The following SS18 variants were observed in gnomAD, a reference collection of about 807,000 sequenced individuals.
SS18 encodes the protein SS18 subunit of BAF chromatin remodeling complex, also known as protein SSXT.
In SS18, 28 loss-of-function variants were observed where a neutral mutation model predicts 72.5. The ratio of observed to expected loss-of-function variants is 0.39; its 90% CI spans 0.29 to 0.53. The LOEUF (loss-of-function observed/expected upper bound fraction) is 0.53. Ranked by LOEUF, SS18 falls within the 20% of genes least tolerant of loss-of-function variation. The pLI is 0.76. For missense variants in SS18, 518 were observed against 535.3 expected (o/e 0.97, Z 0.32); for synonymous variants, 172 against 164.2 (o/e 1.05, Z -0.37).
intron 2 of SS18, among the ~76,000 whole-genome samples, chr18:26,079,614 T>G (rs977433231): frequency 6.6e-6 from 1 of 152,220 alleles, no homozygotes; most frequent in Non-Finnish European, 1.5e-5. Context: ...AAGGTCTCAC[T>G]CTGTCACCCA....
Position 26,039,168 on chromosome 18 carries a change from C to CAA in SS18, c.775+119_775+120dup, listed in dbSNP as rs34318951. On this transcript the variant is annotated intron_variant, in intron 6 of 10. Transcript: ENST00000415083. ...TACTTACTAGAACCCTACCTTTTGTCAAAAAAAAAAAAAAAAAAAAAAAAA... is the reference window on the plus strand; with the variant it reads ...TACTTACTAGAACCCTACCTTTTGTCAAAAAAAAAAAAAAAAAAAAAAAAAAA... The CAA allele has an allele frequency of 2.0e-3, 514 of 251,542 alleles. 3 individuals carry two copies. The highest frequency in any genetic ancestry group is 3.5e-3 in the South Asian group (46 of 12,990). 15.6% of individuals were successfully genotyped at this position (251,542 alleles called of 1,614,324 possible). A position where few individuals can be genotyped will look rare whatever the true frequency, so the allele number is the denominator to read the frequency against.
intron 9 of SS18, among the ~76,000 whole-genome samples, chr18:26,033,930 T>C (rs948459790): frequency 2.6e-5 from 4 of 152,166 alleles, no homozygotes; most frequent in Non-Finnish European, 4.4e-5. Context: ...AACCAGAATA[T>C]TGTATTTATT....
chr18:26,035,814 T>C lies in SS18; in HGVS notation c.973+17A>G. 1.3e-6 allele frequency: 2 copies of C among 1,530,900 alleles called. No homozygotes were observed. Among genetic ancestry groups the C allele is most frequent in the Admixed American group, 1.8e-5 (1 of 56,402 alleles). The allele number at this position is 1,530,900 out of a possible 1,614,324, so 94.8% of individuals were successfully genotyped here. ...AAGGGGATATATATGTGTATGTGTGTGAAGGTATATAGATACCTCCTTCGT... is the reference window on the plus strand; with the variant it reads ...AAGGGGATATATATGTGTATGTGTGCGAAGGTATATAGATACCTCCTTCGT... On this transcript the variant is annotated intron_variant, in intron 8 of 10. Transcript: ENST00000415083. This position sits in a 1 kb window ranked among gnomAD's most constrained non-coding sequence, Gnocchi z 4.4.
At chr18:26,078,332 TATA>T in intron 2 of SS18, 172 bp from the exon 3 acceptor site, 2 of 508,262 alleles carry the variant, frequency 3.9e-6, no homozygotes, top group Non-Finnish European at 6.9e-6. Flanking sequence ...AATATTTAAA[TATA>T]ATGAGCTCAG....
At chr18:26,076,410 T>TA (rs767351792) in intron 3 of SS18, among the ~76,000 whole-genome samples, 2 of 151,778 alleles carry the variant, frequency 1.3e-5, no homozygotes, top group Non-Finnish European at 3.0e-5. Context: ...CATGACAAAA[T>TA]ATCTTGTTTT....
upstream of SS18, chr18:26,090,772 C>T (rs34364376): frequency 0.048 from 28,881 of 603,996 alleles, 868 homozygotes; most frequent in East Asian, 0.1. Context: ...TCTGGGGGAC[C>T]CCTAGCCCTG....
intron 7 of SS18, among the ~76,000 whole-genome samples, chr18:26,036,374 C>T (rs2053626698): frequency 1.3e-5 from 2 of 152,134 alleles, no homozygotes; most frequent in Non-Finnish European, 2.9e-5. Flanking sequence ...ATAAGTTTTT[C>T]CCCTGAAAGA....
At chr18:26,046,995 T>C (rs78977982) in intron 5 of SS18, among the ~76,000 whole-genome samples, 1 of 152,150 alleles carries the variant, frequency 6.6e-6, no homozygotes, top group South Asian at 2.1e-4. Flanking sequence ...ATGGTGGTGC[T>C]GGGGGAACAG....
chr18:26,072,490 T>G (rs2054329310), intron 3 of SS18, among the ~76,000 whole-genome samples: 1 of 152,008 alleles, frequency 6.6e-6, no homozygotes, highest in Non-Finnish European at 1.5e-5. Flanking sequence ...AAGTAGACTT[T>G]AAAAGCATTA....
Position 26,028,968 on chromosome 18 carries a change from G to A in SS18, c.1230+3431C>T, listed in dbSNP as rs1379571644. Among the ~76,000 whole-genome samples, 5 of 152,214 alleles carry A rather than the reference G, an allele frequency of 3.3e-5. No individual in the cohort carries two copies. In the East Asian group the frequency reaches 7.7e-4, roughly 23 times the overall value. ...ACTATGAAAAGGGTAGGGAAAAAGAGTGATGCAATGGAGGGTGTTATGTCT... is the reference window on the plus strand; with the variant it reads ...ACTATGAAAAGGGTAGGGAAAAAGAATGATGCAATGGAGGGTGTTATGTCT... On this transcript the variant is annotated intron_variant, in intron 10 of 10. Transcript: ENST00000415083.
At chr18:26,064,194 T>C (rs1168810399) in intron 3 of SS18, among the ~76,000 whole-genome samples, 3 of 152,124 alleles carry the variant, frequency 2.0e-5, no homozygotes, top group Admixed American at 6.5e-5. Context: ...CTGACTCAGA[T>C]ACCTTCAATA....
At chr18:26,036,472 G>A (rs989919340) in intron 7 of SS18, among the ~76,000 whole-genome samples, 2 of 152,066 alleles carry the variant, frequency 1.3e-5, no homozygotes, top group African/African-American at 2.4e-5. Context: ...ATATCTTAAT[G>A]CTGCCATTTT....
chr18:26,022,793 G>A (rs537433592), intron 10 of SS18, among the ~76,000 whole-genome samples: 1 of 152,306 alleles, frequency 6.6e-6, no homozygotes, highest in South Asian at 2.1e-4. Context: ...AATGTGTGAG[G>A]AAAATACCCA....
intron 5 of SS18, among the ~76,000 whole-genome samples, chr18:26,040,149 G>A (rs572260115): frequency 1.3e-5 from 2 of 152,250 alleles, no homozygotes; most frequent in South Asian, 4.2e-4. Flanking sequence ...CTAAAAACAG[G>A]CAGAGACATG....
chr18:26,028,033 T>C lies in SS18; in HGVS notation c.1230+4366A>G, dbSNP rs563998719. Among the ~76,000 whole-genome samples the C allele has an allele frequency of 7.9e-5, 12 of 152,064 alleles. No individual in the cohort carries two copies. The South Asian group carries it at 2.3e-3, about 29-fold the overall frequency. ...AATGAAAAAACAGACAGGATGAAAA[T>C]ATGTGCAAATGATACCTGATTAAGG... is the stretch of plus-strand genomic sequence containing the variant. On this transcript the variant is annotated intron_variant, in intron 10 of 10. Transcript: ENST00000415083.
chr18:26,086,408 T>C (rs2054616693), intron 2 of SS18, among the ~76,000 whole-genome samples: 1 of 152,220 alleles, frequency 6.6e-6, no homozygotes, highest in African/African-American at 2.4e-5. Flanking sequence ...TTCCAAGATT[T>C]AGAACAACAA....
At chr18:26,027,082 T>G (rs753770946) in intron 10 of SS18, among the ~76,000 whole-genome samples, 1 of 152,158 alleles carries the variant, frequency 6.6e-6, no homozygotes, top group Non-Finnish European at 1.5e-5. Context: ...ACGTACAAAC[T>G]GACAAGCTGA....
At chr18:26,047,755 A>C (rs2053854272) in intron 5 of SS18, among the ~76,000 whole-genome samples, 1 of 152,200 alleles carries the variant, frequency 6.6e-6, no homozygotes, top group South Asian at 2.1e-4. Context: ...AGGCAGGAGA[A>C]TGGCATGAAC....
At chr18:26,023,542 A>C in intron 10 of SS18, 1 of 472,590 alleles carries the variant, frequency 2.1e-6, no homozygotes. Flanking sequence ...AATGACAGCA[A>C]ATGTCTCCTT....
Sources: allele counts gnomAD v4.1 joint callset (sites outside exome capture counted in the v4.1 genomes callset), GRCh38; gene constraint gnomAD v4.1.1; non-coding constraint Gnocchi (gnomAD v3.1); transcripts MANE v1.5; gene names NCBI Gene and HGNC (gene_info 2026-07-23, HGNC 2026-07-21).